The following PGM1 variants were observed in gnomAD, a reference collection of about 807,000 sequenced individuals.
PGM1 encodes phosphoglucomutase-1.
A neutral mutation model predicts 55.6 loss-of-function variants in PGM1; 52 were observed. The observed-to-expected ratio is 0.94, with a 90% CI of 0.75 to 1.18. The LOEUF is 1.18. Among genes scored for constraint, PGM1 ranks in the 50% most tolerant of loss-of-function variants. The pLI, the probability that PGM1 is intolerant of heterozygous loss-of-function variation, is 0.00. For synonymous variants in PGM1, 287 were observed against 271.7 expected, an observed-to-expected ratio of 1.06 and a Z score of -0.55; for missense variants, 724 against 729.3, an observed-to-expected ratio of 0.99 and a Z score of 0.08.
Position 63,659,124 on chromosome 1 carries a change from C to G in PGM1, c.1600-462C>G, listed in dbSNP as rs117207859. 4.0e-3 allele frequency among the ~76,000 whole-genome samples: 602 copies of G among 152,298 alleles called. 29 individuals carry two copies. The East Asian group carries it at 0.069, about 18-fold the overall frequency. On this transcript the variant is annotated intron_variant, in intron 10 of 10. Coordinates refer to ENST00000371084, the MANE Select transcript of PGM1 (RefSeq NM_002633.3). Reference sequence around the variant, plus strand: ...ACAAGATGAGATTTGAGTGGGGACACAGAGCCAAACCACATCAGTCCCATT... The same window carrying G: ...ACAAGATGAGATTTGAGTGGGGACAGAGAGCCAAACCACATCAGTCCCATT...
At position 63,593,686 on chromosome 1, in the gene PGM1, C is replaced by T. The variant is rs774221072; in HGVS notation, c.198C>T (p.Tyr66=). 5.4e-5 allele frequency: 86 copies of T among 1,605,328 alleles called. No individual in the cohort carries two copies. Among genetic ancestry groups the T allele is most frequent in the Non-Finnish European group, 7.3e-5 (86 of 1,177,036 alleles). The change falls in exon 1 of 11, where the codon TAC becomes TAT. Residue 66 remains tyrosine, a synonymous_variant. Transcript: ENST00000371084. The part of the protein sequence containing the change: ...TLVVGGDGRF[Y]MKEAIQLIAR... Reference sequence around the variant, plus strand: ...TGGTGGGCGGGGACGGCCGGTTCTACATGAAGGAGGCCATCCAGCTCATCG... The same window carrying T: ...TGGTGGGCGGGGACGGCCGGTTCTATATGAAGGAGGCCATCCAGCTCATCG...
intron 1 of PGM1, among the ~76,000 whole-genome samples, chr1:63,601,315 T>G (rs1648236321): frequency 6.6e-6 from 1 of 152,212 alleles, no homozygotes; most frequent in Non-Finnish European, 1.5e-5. Flanking sequence ...TTAAGACAGA[T>G]GAAGGAGTTT....
In PGM1 at chr1:63,634,990, G is replaced by A; in HGVS notation, c.844G>A (p.Asp282Asn). ...GGAGACCATGAAGTCAGGAGAGCAT[G>A]ATTTTGGGGCTGCCTTTGATGGAGA... ...LVETMKSGEHDFGAAFDGDGD... is the reference protein window; with the variant it reads ...LVETMKSGEHNFGAAFDGDGD... The change falls in exon 5 of 11, where the codon GAT becomes AAT. Residue 282 changes from aspartate (D) to asparagine (N), a missense_variant. Around this residue, in one of 3 missense-constraint regions of PGM1, gnomAD observed 29 missense variants for 58.7 expected, o/e 0.49. Coordinates refer to ENST00000371084, the MANE Select transcript of PGM1 (RefSeq NM_002633.3). The A allele has an allele frequency of 6.2e-7, 1 of 1,614,044 alleles. No individual in the cohort carries two copies. The highest frequency in any genetic ancestry group is 8.5e-7 in the Non-Finnish European group (1 of 1,180,000).
intron 1 of PGM1, among the ~76,000 whole-genome samples, chr1:63,617,656 A>G (rs1648773919): frequency 6.9e-6 from 1 of 145,500 alleles, no homozygotes; most frequent in African/African-American, 2.5e-5. Context: ...AATTGCTTGA[A>G]CCTGGAAGGC....
intron 1 of PGM1, among the ~76,000 whole-genome samples, chr1:63,597,161 G>T (rs935212001): frequency 6.6e-5 from 10 of 152,154 alleles, no homozygotes; most frequent in Non-Finnish European, 1.2e-4. Flanking sequence ...GGCTGTACTT[G>T]GGAGGGGAAG....
rs1168157226 is a variant in PGM1, at chr1:63,597,555, A to G, written c.246+3821A>G. On this transcript the variant is annotated intron_variant, in intron 1 of 10. Coordinates refer to ENST00000371084, the MANE Select transcript of PGM1 (RefSeq NM_002633.3). The stretch of plus-strand genomic sequence containing the variant: ...CTAATCCTCAACAGCCTCAACCAAT[A>G]TAGAGGGGTTCCGTGTTAGTCAGAG... Among the ~76,000 whole-genome samples, 3 of 152,192 alleles carry G rather than the reference A, an allele frequency of 2.0e-5. No individual in the cohort carries two copies. In the East Asian group the frequency reaches 5.8e-4, roughly 29 times the overall value.
chr1:63,643,270 T>A (rs1227024026), intron 7 of PGM1, among the ~76,000 whole-genome samples: 3 of 152,248 alleles, frequency 2.0e-5, no homozygotes, highest in African/African-American at 7.2e-5. Flanking sequence ...CCCTCACCTG[T>A]ATGTCTGTGC....
intron 1 of PGM1, among the ~76,000 whole-genome samples, chr1:63,606,055 A>T (rs754511009): frequency 6.6e-6 from 1 of 152,084 alleles, no homozygotes; most frequent in African/African-American, 2.4e-5. Flanking sequence ...GCAGAACCCA[A>T]CCTGCCTTTA....
intron 10 of PGM1, chr1:63,655,767 C>T (rs1383797386): frequency 6.6e-6 from 1 of 152,370 alleles, no homozygotes; most frequent in Non-Finnish European, 1.5e-5. Context: ...GACATGGTGG[C>T]CTGCACCTGT....
At chr1:63,627,151 C>T (rs768187640) in intron 1 of PGM1, among the ~76,000 whole-genome samples, 2 of 146,638 alleles carry the variant, frequency 1.4e-5, no homozygotes, top group Admixed American at 6.9e-5. Flanking sequence ...TGATGATAGA[C>T]GTTAGCGTTC....
At chr1:63,627,363 G>C (rs1353089395) in intron 1 of PGM1, among the ~76,000 whole-genome samples, 1 of 152,054 alleles carries the variant, frequency 6.6e-6, no homozygotes, top group East Asian at 1.9e-4. Flanking sequence ...ATCCAGCCAG[G>C]GTCGAGTAAG....
At chr1:63,624,957 A>G (rs1456755494) in intron 1 of PGM1, among the ~76,000 whole-genome samples, 1 of 152,250 alleles carries the variant, frequency 6.6e-6, no homozygotes, top group East Asian at 1.9e-4. Context: ...TGAAATTATT[A>G]TGAAGCATAC....
chr1:63,606,271 T>C (rs1648414336), intron 1 of PGM1, among the ~76,000 whole-genome samples: 1 of 152,238 alleles, frequency 6.6e-6, no homozygotes, highest in Admixed American at 6.5e-5. Context: ...TGTTTTAGAT[T>C]CTGTTTTGGT....
chr1:63,645,581 A>G (rs1362110411), intron 7 of PGM1, among the ~76,000 whole-genome samples: 6 of 152,230 alleles, frequency 3.9e-5, no homozygotes, highest in Admixed American at 3.3e-4. Context: ...TCCTTAAAAT[A>G]GCAGTAAGGG....
intron 7 of PGM1, among the ~76,000 whole-genome samples, chr1:63,648,035 CTCAG>C (rs1213934726): frequency 6.6e-6 from 1 of 152,148 alleles, no homozygotes; most frequent in Non-Finnish European, 1.5e-5. Context: ...TACCCAAGTC[CTCAG>C]TCAGGCAGTG....
At chr1:63,613,483 G>A (rs1648622935) in intron 1 of PGM1, among the ~76,000 whole-genome samples, 1 of 151,768 alleles carries the variant, frequency 6.6e-6, no homozygotes, top group Admixed American at 6.6e-5. Flanking sequence ...GCAATCCCTG[G>A]TGCAGTGTAA....
Position 63,648,567 on chromosome 1 carries a change from C to G in PGM1, c.1195C>G (p.Leu399Val), listed in dbSNP as rs200065327. Residue 399 changes from leucine to valine, a missense_variant, in exon 8 of 11, where the codon CTC becomes GTC. Leu to Val is a conservative substitution (Grantham distance 32). Around this residue, in one of 3 missense-constraint regions of PGM1, gnomAD observed 316 missense variants for 313.1 expected, o/e 1.01. Coordinates refer to ENST00000371084, the MANE Select transcript of PGM1 (RefSeq NM_002633.3). The stretch of plus-strand genomic sequence containing the variant: ...TGGACTGTGGGCTGTCCTTGCCTGG[C>G]TCTCCATCCTAGCCACCCGCAAGCA... ...KDGLWAVLAW[L>V]SILATRKQSV... is the part of the protein sequence containing the mutation. 62 of 1,614,022 alleles carry G rather than the reference C, an allele frequency of 3.8e-5. No individual in the cohort carries two copies. The highest frequency in any genetic ancestry group is 3.3e-5 in the Admixed American group (2 of 60,010).
At chr1:63,594,673 G>A (rs1647988437) in intron 1 of PGM1, among the ~76,000 whole-genome samples, 1 of 151,686 alleles carries the variant, frequency 6.6e-6, no homozygotes, top group South Asian at 2.1e-4. Flanking sequence ...CGGGCATGGT[G>A]GCTCACGCCT....
chr1:63,650,736 C>A (rs975163410), intron 8 of PGM1, among the ~76,000 whole-genome samples: 1 of 152,074 alleles, frequency 6.6e-6, no homozygotes, highest in African/African-American at 2.4e-5. Context: ...AGAAAGAAGT[C>A]AAAAAGAATT....
Sources: allele counts gnomAD v4.1 joint callset (sites outside exome capture counted in the v4.1 genomes callset), GRCh38; gene constraint gnomAD v4.1.1; regional missense constraint gnomAD v4.1.1; transcripts MANE v1.5; gene names NCBI Gene and HGNC (gene_info 2026-07-23, HGNC 2026-07-21).